Variants in ACVR1 observed in about 807,000 individuals in gnomAD.
ACVR1 encodes the protein activin A receptor type 1.
In ACVR1, 38 loss-of-function variants were observed where a neutral mutation model predicts 57.1. The ratio of observed to expected loss-of-function variants is 0.67; its 90% CI spans 0.51 to 0.87. The LOEUF is 0.87. ACVR1 is among the 40% of genes least tolerant of loss of function. ACVR1 has a pLI of 0.00. For synonymous variants in ACVR1, 212 were observed against 228.1 expected, an observed-to-expected ratio of 0.93 and a Z score of 0.63; for missense variants, 463 against 638.2, an observed-to-expected ratio of 0.73 and a Z score of 2.96.
intron 2 of ACVR1, among the ~76,000 whole-genome samples, chr2:157,800,844 T>C (rs1351403356): frequency 2.0e-5 from 3 of 152,110 alleles, no homozygotes; most frequent in African/African-American, 7.2e-5. Context: ...CCTTTGGACA[T>C]GAATATGCTT....
At chr2:157,757,683 G>T (rs1431772004) in intron 9 of ACVR1, among the ~76,000 whole-genome samples, 2 of 151,706 alleles carry the variant, frequency 1.3e-5, no homozygotes, top group African/African-American at 4.8e-5. Flanking sequence ...GGAAAAATAA[G>T]GTATTTCCCA....
chr2:157,780,624 GA>G lies in ACVR1; in HGVS notation c.68-25del, dbSNP rs77640967. 0.1 allele frequency: 93,762 copies of G among 936,308 alleles called. 115 individuals are homozygous for G. Among genetic ancestry groups the G allele is most frequent in the South Asian group, 0.12 (5,784 of 47,152 alleles). The allele number at this position is 936,308 out of a possible 1,614,324, so 58.0% of individuals were successfully genotyped here. ...ATCTGCAAAGGAGAGAAAGGAAGGGGAAAAAAAAAAAAAAGAGGAATTACCG... is the reference window on the plus strand; with the variant it reads ...ATCTGCAAAGGAGAGAAAGGAAGGGGAAAAAAAAAAAAAGAGGAATTACCG... On this transcript the variant is annotated intron_variant, in intron 3 of 10. Transcript: ENST00000434821.
At chr2:157,808,170 A>G (rs889034813) in intron 2 of ACVR1, among the ~76,000 whole-genome samples, 1 of 152,170 alleles carries the variant, frequency 6.6e-6, no homozygotes, top group Non-Finnish European at 1.5e-5. Context: ...TTTAAAATAA[A>G]ATAAATAAAT....
At chr2:157,786,300 G>A (rs1049858074) in intron 3 of ACVR1, among the ~76,000 whole-genome samples, 7 of 152,148 alleles carry the variant, frequency 4.6e-5, no homozygotes, top group East Asian at 3.8e-4. Context: ...TTTGCTCACC[G>A]TTCATTACAT....
intron 2 of ACVR1, among the ~76,000 whole-genome samples, chr2:157,811,086 G>A (rs1687737587): frequency 6.6e-6 from 1 of 152,144 alleles, no homozygotes; most frequent in Non-Finnish European, 1.5e-5. Flanking sequence ...TGTAGGATGT[G>A]GTGTTGTGAC....
chr2:157,837,949 C>T (rs1290753446), intron 1 of ACVR1, among the ~76,000 whole-genome samples: 1 of 152,130 alleles, frequency 6.6e-6, no homozygotes, highest in African/African-American at 2.4e-5. Flanking sequence ...CAGTCTGGGA[C>T]CGGCTTCCAG....
chr2:157,782,483 C>T (rs866198049), intron 3 of ACVR1, among the ~76,000 whole-genome samples: 3 of 152,216 alleles, frequency 2.0e-5, no homozygotes, highest in South Asian at 2.1e-4. Flanking sequence ...TGGAGAAATC[C>T]GAAGGAAATT....
intron 2 of ACVR1, among the ~76,000 whole-genome samples, chr2:157,807,206 T>G (rs1406467771): frequency 1.3e-5 from 2 of 152,192 alleles, no homozygotes; most frequent in Non-Finnish European, 2.9e-5. Flanking sequence ...TAGGCTACTA[T>G]GTAAGAATCA....
At chr2:157,862,885 G>A (rs1177931063) in intron 1 of ACVR1, among the ~76,000 whole-genome samples, 6 of 149,388 alleles carry the variant, frequency 4.0e-5, no homozygotes, top group African/African-American at 1.5e-4. Flanking sequence ...AAAAAAAAAA[G>A]AAAAGGTAAC....
intron 1 of ACVR1, among the ~76,000 whole-genome samples, chr2:157,821,741 C>T (rs1688167470): frequency 6.6e-6 from 1 of 152,118 alleles, no homozygotes; most frequent in Non-Finnish European, 1.5e-5. Context: ...CATTCCTGTG[C>T]AGGTGGTTGG....
intron 2 of ACVR1, among the ~76,000 whole-genome samples, chr2:157,802,404 G>A (rs1687357590): frequency 6.6e-6 from 1 of 152,232 alleles, no homozygotes; most frequent in African/African-American, 2.4e-5. Flanking sequence ...ACCCAAGAAG[G>A]CTAGAGAGGA....
At chr2:157,742,458 C>T (rs938306957) in intron 9 of ACVR1, among the ~76,000 whole-genome samples, 2 of 152,084 alleles carry the variant, frequency 1.3e-5, no homozygotes, top group Non-Finnish European at 1.5e-5. Context: ...CAAAGGGCCA[C>T]GAGAAAGAAA....
At chr2:157,860,136 A>T (rs1429252540) in intron 1 of ACVR1, 2 of 152,166 alleles carry the variant, frequency 1.3e-5, no homozygotes, top group Non-Finnish European at 2.9e-5. Context: ...AGTCCATGAA[A>T]ATGAGACTGA....
chr2:157,868,722 T>G (rs918455759), intron 1 of ACVR1, among the ~76,000 whole-genome samples: 2 of 152,186 alleles, frequency 1.3e-5, no homozygotes, highest in African/African-American at 4.8e-5. Flanking sequence ...ACCAAGATAT[T>G]CAGAGTTCTG....
rs192827325 is a variant in ACVR1 at position 157,837,027 on chromosome 2, C to T, written c.-182-18468G>A. Among the ~76,000 whole-genome samples, 380 of 152,324 alleles carry T rather than the reference C, an allele frequency of 2.5e-3. 2 individuals are homozygous for T. Among genetic ancestry groups the T allele is most frequent in the African/African-American group, 8.6e-3 (358 of 41,570 alleles). On this transcript the variant is annotated intron_variant, in intron 1 of 10. Transcript: ENST00000434821. The stretch of plus-strand genomic sequence containing the variant: ...GAGTAAATGAGCTCCTTAAGATTTA[C>T]GTTTCTCTCGCCTGTAAAATGAGGC...
chr2:157,799,043 C>T (rs1687225687), intron 3 of ACVR1, among the ~76,000 whole-genome samples: 2 of 151,888 alleles, frequency 1.3e-5, no homozygotes, highest in Admixed American at 1.3e-4. Context: ...ATTACAGGTG[C>T]CCGCCACCAT....
rs573868810 is a variant in ACVR1, at chr2:157,815,566, G to C, written c.-8+2819C>G. The stretch of plus-strand genomic sequence containing the variant: ...TGTTTCATAATTAAGAATCACAGGG[G>C]TAGCAATTAACTACAGCCATCATCT... On this transcript the variant is annotated intron_variant, in intron 2 of 10. Transcript: ENST00000434821. Among the ~76,000 whole-genome samples the C allele has an allele frequency of 1.9e-4, 29 of 152,256 alleles. No individual in the cohort carries two copies. In the East Asian group the frequency reaches 4.1e-3, roughly 21 times the overall value.
At chr2:157,874,524 T>C (rs892164381) in intron 1 of ACVR1, among the ~76,000 whole-genome samples, 4 of 152,190 alleles carry the variant, frequency 2.6e-5, no homozygotes, top group Non-Finnish European at 2.9e-5. Context: ...CAGAGACAAG[T>C]GCCAGGACAT....
chr2:157,765,837 A>G (rs1685842130), intron 8 of ACVR1, 84 bp downstream of exon 8: 9 of 1,422,626 alleles, frequency 6.3e-6, no homozygotes, highest in Non-Finnish European at 7.8e-6. Flanking sequence ...TTTGCATAAC[A>G]TGTTGTGGGG....
Sources: gnomAD v4.1 joint callset for allele counts (sites outside exome capture counted in the v4.1 genomes callset) on GRCh38, gnomAD v4.1.1 for gene constraint, MANE v1.5 for transcripts, NCBI Gene and HGNC (gene_info 2026-07-23, HGNC 2026-07-21) for gene names.